The following DPP10 variants were observed in gnomAD, a reference collection of about 807,000 sequenced individuals.
DPP10 encodes dipeptidyl peptidase like 10, also known as inactive dipeptidyl peptidase 10.
In DPP10, 33 loss-of-function variants were observed where a neutral mutation model predicts 120.9. That is an observed-to-expected ratio of 0.27 (90% confidence interval 0.21 to 0.37). The LOEUF (loss-of-function observed/expected upper bound fraction) is 0.37. Among genes scored for constraint, DPP10 ranks in the 10% least tolerant of loss-of-function variants. The probability of loss-of-function intolerance (pLI) is 1.00; values close to 1 mark genes in which losing one functional copy is unlikely to be tolerated. For missense variants in DPP10, 816 were observed against 942.8 expected, an observed-to-expected ratio of 0.87 and a Z score of 1.76; for synonymous variants, 337 against 326.1, an observed-to-expected ratio of 1.03 and a Z score of -0.36.
chr2:114,588,655 A>T (rs192555882), intron 1 of DPP10, among the ~76,000 whole-genome samples: 1 of 152,304 alleles, frequency 6.6e-6, no homozygotes, highest in African/African-American at 2.4e-5. Flanking sequence ...ATTTAAAAAG[A>T]GTTGAAAATA....
intron 1 of DPP10, among the ~76,000 whole-genome samples, chr2:114,710,017 T>G (rs1403733727): frequency 1.3e-5 from 2 of 152,214 alleles, no homozygotes; most frequent in Non-Finnish European, 2.9e-5. Flanking sequence ...GGCCACACTC[T>G]TTTGAGCTTT....
At chr2:114,632,582 G>A (rs1465883092) in intron 1 of DPP10, among the ~76,000 whole-genome samples, 5 of 133,928 alleles carry the variant, frequency 3.7e-5, no homozygotes, top group Admixed American at 8.7e-5. Context: ...GTGCGATCTC[G>A]GCTCACTGCA....
intron 1 of DPP10, among the ~76,000 whole-genome samples, chr2:114,758,503 C>T (rs10203323): frequency 0.15 from 22,754 of 152,090 alleles, 2,417 homozygotes; most frequent in African/African-American, 0.3. Context: ...GTAAGTTATA[C>T]AGTAATGGTG....
chr2:115,197,906 T>G (rs1479078713), intron 1 of DPP10, among the ~76,000 whole-genome samples: 1 of 152,190 alleles, frequency 6.6e-6, no homozygotes, highest in Admixed American at 6.5e-5. Context: ...TTTGTAGTAC[T>G]CCCCAAAGAG....
intron 3 of DPP10, among the ~76,000 whole-genome samples, chr2:115,457,618 A>C (rs536569842): frequency 6.6e-6 from 1 of 152,232 alleles, no homozygotes; most frequent in Non-Finnish European, 1.5e-5. Flanking sequence ...AGTGCAAATT[A>C]AAAACATAAT....
chr2:115,648,333 G>A (rs1255375375), intron 5 of DPP10, among the ~76,000 whole-genome samples: 2 of 152,004 alleles, frequency 1.3e-5, no homozygotes, highest in Admixed American at 6.6e-5. Context: ...GGAGGAGTAA[G>A]TTCAAGAGAT....
chr2:114,707,943 T>C (rs1700785273), intron 1 of DPP10, among the ~76,000 whole-genome samples: 1 of 152,174 alleles, frequency 6.6e-6, no homozygotes. Context: ...CAAAGGTTTC[T>C]AAGTGTGGAA....
intron 4 of DPP10, among the ~76,000 whole-genome samples, chr2:115,511,448 C>G (rs888087803): frequency 1.3e-5 from 2 of 151,810 alleles, no homozygotes; most frequent in African/African-American, 4.8e-5. Context: ...TAATTTGAAT[C>G]TTGTTATTTT....
chr2:115,151,599 G>A (rs1471844637), intron 1 of DPP10, among the ~76,000 whole-genome samples: 2 of 151,616 alleles, frequency 1.3e-5, no homozygotes, highest in Non-Finnish European at 2.9e-5. Flanking sequence ...AGTAGAGCTG[G>A]GGTTTCACTA....
At chr2:115,395,609 C>A (rs1385973775) in intron 3 of DPP10, among the ~76,000 whole-genome samples, 2 of 152,142 alleles carry the variant, frequency 1.3e-5, no homozygotes, top group African/African-American at 2.4e-5. Flanking sequence ...CAGTGAAGAC[C>A]TACTGTTTTC....
At chr2:114,815,882 GTTTTTT>G (rs3036391) in intron 1 of DPP10, among the ~76,000 whole-genome samples, 1 of 144,100 alleles carries the variant, frequency 6.9e-6, no homozygotes, top group Non-Finnish European at 1.5e-5. Flanking sequence ...AATTTTCTTA[GTTTTTT>G]TTTTTTTTTC....
chr2:115,550,891 C>T (rs2079831483), intron 5 of DPP10, among the ~76,000 whole-genome samples: 2 of 152,156 alleles, frequency 1.3e-5, no homozygotes, highest in Admixed American at 6.6e-5. Context: ...TAATCTGGCC[C>T]ATCCACAGAT....
chr2:115,614,305 A>G (rs2084329643), intron 5 of DPP10, among the ~76,000 whole-genome samples: 1 of 152,198 alleles, frequency 6.6e-6, no homozygotes, highest in African/African-American at 2.4e-5. Context: ...AGGATCTACC[A>G]CTAAGCACCA....
chr2:114,772,728 A>G (rs1220162665), intron 1 of DPP10, among the ~76,000 whole-genome samples: 1 of 152,014 alleles, frequency 6.6e-6, no homozygotes, highest in Non-Finnish European at 1.5e-5. Flanking sequence ...TAGGGTCAAC[A>G]GAGCCTTAGG....
At chr2:114,676,709 G>C (rs1240105486) in intron 1 of DPP10, among the ~76,000 whole-genome samples, 1 of 151,728 alleles carries the variant, frequency 6.6e-6, no homozygotes, top group Non-Finnish European at 1.5e-5. Context: ...CTAAATCTTG[G>C]ACCACAATTT....
chr2:115,090,046 T>C (rs1709110788), intron 1 of DPP10, among the ~76,000 whole-genome samples: 1 of 152,182 alleles, frequency 6.6e-6, no homozygotes, highest in Admixed American at 6.5e-5. Context: ...TTCCTTTTTT[T>C]TTTTTCATGT....
At chr2:114,800,170 C>G (rs1465111115) in intron 1 of DPP10, among the ~76,000 whole-genome samples, 1 of 151,868 alleles carries the variant, frequency 6.6e-6, no homozygotes, top group Non-Finnish European at 1.5e-5. Flanking sequence ...AAACAAGGGG[C>G]AAAAAGAAAA....
intron 5 of DPP10, among the ~76,000 whole-genome samples, chr2:115,635,196 T>G (rs898651390): frequency 6.7e-6 from 1 of 150,310 alleles, no homozygotes; most frequent in African/African-American, 2.5e-5. Flanking sequence ...TCAGCCATCT[T>G]AGGCAGCATG....
intron 1 of DPP10, among the ~76,000 whole-genome samples, chr2:114,450,804 C>T (rs1678225609): frequency 6.6e-6 from 1 of 151,952 alleles, no homozygotes; most frequent in South Asian, 2.1e-4. Flanking sequence ...AGAGACAACC[C>T]CTGTTGTTCT....
Sources: allele counts gnomAD v4.1 joint callset (sites outside exome capture counted in the v4.1 genomes callset), GRCh38; gene constraint gnomAD v4.1.1; transcripts MANE v1.5; gene names NCBI Gene and HGNC (gene_info 2026-07-23, HGNC 2026-07-21).